Variants in CDON observed in about 807,000 individuals in gnomAD.
CDON encodes the protein cell adhesion molecule-related/down-regulated by oncogenes.
CDON carries 73 observed loss-of-function variants against 120.9 expected under a neutral mutation model. That is an observed-to-expected ratio of 0.60 (90% CI 0.50 to 0.73). The LOEUF is 0.73. Among genes scored for constraint, CDON ranks in the 30% least tolerant of loss-of-function variants. The pLI, the probability that CDON is intolerant of heterozygous loss-of-function variation, is 0.00. For synonymous variants in CDON, 566 were observed against 573.5 expected, an observed-to-expected ratio of 0.99 and a Z score of 0.19; for missense variants, 1,470 against 1,587.3, an observed-to-expected ratio of 0.93 and a Z score of 1.26.
chr11:125,997,185 G>A, intron 12 of CDON, 22 bp downstream of exon 12: 1 of 1,544,860 alleles, frequency 6.5e-7, no homozygotes, highest in South Asian at 1.1e-5. Context: ...GATGGTAAAA[G>A]GAAACGTTTG....
intron 7 of CDON, 42 bp from the exon 8 acceptor site, chr11:126,010,736 G>GTAGTA (rs1177994925): frequency 1.3e-6 from 2 of 1,517,984 alleles, no homozygotes; most frequent in Non-Finnish European, 1.8e-6. Flanking sequence ...GAAGAACATT[G>GTAGTA]TAGTACCTAC....
At chr11:126,023,758 C>T (rs1446125852) in intron 1 of CDON, among the ~76,000 whole-genome samples, 4 of 152,220 alleles carry the variant, frequency 2.6e-5, no homozygotes, top group Non-Finnish European at 5.9e-5. Flanking sequence ...ATATCTCCTA[C>T]TACACAGAAC....
Position 125,956,903 on chromosome 11 carries a change from G to A in CDON, c.*4039C>T. ...TCTCAGGACTGGGGCTAGGGTTTAA[G>A]GAAGGCTTATTTAAATATGGGAAAT... On this transcript the variant is annotated 3_prime_UTR_variant, in exon 20 of 20. Coordinates refer to ENST00000531738, the MANE Select transcript of CDON (RefSeq NM_001378964.1). 1.0e-6 allele frequency: 1 copy of A among 963,420 alleles called. No homozygotes were observed. Among genetic ancestry groups the A allele is most frequent in the Non-Finnish European group, 1.2e-6 (1 of 809,938 alleles). 59.7% of individuals were successfully genotyped at this position (963,420 alleles called of 1,614,324 possible). A position where few individuals can be genotyped will look rare whatever the true frequency, so the allele number is the denominator to read the frequency against.
chr11:126,011,044 T>C (rs1361263769), intron 7 of CDON: 1 of 372,534 alleles, frequency 2.7e-6, no homozygotes, highest in Non-Finnish European at 5.2e-6. Flanking sequence ...ACAGGAAAAA[T>C]GTGTAAATAA....
At chr11:125,985,404 T>C (rs1325462202) in intron 15 of CDON, among the ~76,000 whole-genome samples, 4 of 152,192 alleles carry the variant, frequency 2.6e-5, no homozygotes, top group Non-Finnish European at 2.9e-5. Flanking sequence ...CTCAAACTCC[T>C]GATGACCTCA....
chr11:126,054,824 A>AGG (rs1948646207), intron 1 of CDON, among the ~76,000 whole-genome samples: 1 of 152,184 alleles, frequency 6.6e-6, no homozygotes, highest in Admixed American at 6.5e-5. Context: ...AATGGTACAT[A>AGG]GGGGAAAATC....
intron 8 of CDON, among the ~76,000 whole-genome samples, chr11:126,009,033 C>A (rs1040373271): frequency 6.6e-6 from 1 of 152,160 alleles, no homozygotes; most frequent in African/African-American, 2.4e-5. Context: ...GAGTGGGGCA[C>A]CTTCACTATA....
intron 1 of CDON, among the ~76,000 whole-genome samples, chr11:126,042,117 T>C: frequency 6.6e-6 from 1 of 152,156 alleles, no homozygotes; most frequent in Non-Finnish European, 1.5e-5. Flanking sequence ...CTCCCGACCT[T>C]AGGTGATCTG....
rs1948041301 is a variant in CDON at position 126,034,561 on chromosome 11, T to C, written c.-61-11024A>G. 6.6e-6 allele frequency among the ~76,000 whole-genome samples: 1 copy of C among 152,168 alleles called. No individual in the cohort carries two copies. The highest frequency in any genetic ancestry group is 2.4e-5 in the African/African-American group (1 of 41,440). On this transcript the variant is annotated intron_variant, in intron 1 of 19. Transcript: ENST00000531738. This position sits in a 1 kb window ranked among gnomAD's most constrained non-coding sequence, Gnocchi z 4.5. ...TTTAAAAAAAAAAGTCAAGTGTTCC[T>C]GTTCCACTCTCTTTCTAAGAGACTA... is the stretch of plus-strand genomic sequence containing the variant.
At chr11:126,013,205 A>G (rs1484648139) in intron 7 of CDON, among the ~76,000 whole-genome samples, 1 of 152,058 alleles carries the variant, frequency 6.6e-6, no homozygotes, top group African/African-American at 2.4e-5. Flanking sequence ...GAAATGACGT[A>G]TTTTCTTTTT....
intron 18 of CDON, among the ~76,000 whole-genome samples, chr11:125,964,003 T>TA (rs1250588591): frequency 1.3e-5 from 2 of 152,168 alleles, no homozygotes. Flanking sequence ...ACCCTGAACT[T>TA]ATAGAAAAAT....
At chr11:125,972,631 C>G (rs1946034624) in intron 18 of CDON, among the ~76,000 whole-genome samples, 1 of 152,100 alleles carries the variant, frequency 6.6e-6, no homozygotes, top group Non-Finnish European at 1.5e-5. Context: ...AACGTTTTCC[C>G]TCCAGATGGT....
intron 18 of CDON, among the ~76,000 whole-genome samples, chr11:125,964,238 G>A (rs948941319): frequency 9.2e-5 from 14 of 152,196 alleles, no homozygotes; most frequent in African/African-American, 3.4e-4. Flanking sequence ...AACTACTACT[G>A]CTGAGAATTT....
At chr11:126,021,583 ATT>A in intron 2 of CDON, 63 bp from the exon 3 acceptor site, 2 of 1,366,100 alleles carry the variant, frequency 1.5e-6, no homozygotes, top group Non-Finnish European at 2.1e-6. Flanking sequence ...GAGAAAGAAG[ATT>A]ACATTAAACA....
chr11:126,032,225 G>A (rs1214718386), intron 1 of CDON, among the ~76,000 whole-genome samples: 1 of 152,106 alleles, frequency 6.6e-6, no homozygotes, highest in Non-Finnish European at 1.5e-5. Context: ...ACCTAGATTT[G>A]TACTTGGAGA....
At chr11:126,003,192 C>A (rs1432654955) in intron 10 of CDON, among the ~76,000 whole-genome samples, 1 of 152,182 alleles carries the variant, frequency 6.6e-6, no homozygotes, top group Non-Finnish European at 1.5e-5. Flanking sequence ...CTCTACAAGG[C>A]CACAAGTTTT....
intron 1 of CDON, among the ~76,000 whole-genome samples, chr11:126,055,262 G>A (rs1445117261): frequency 1.3e-5 from 2 of 152,142 alleles, no homozygotes; most frequent in Non-Finnish European, 2.9e-5. Context: ...AGTTTGAGGA[G>A]GAGGATGGAG....
Position 126,050,441 on chromosome 11 carries a change from T to C in CDON, c.-62+12138A>G, listed in dbSNP as rs142423756. Among the ~76,000 whole-genome samples the C allele has an allele frequency of 8.7e-3, 1,316 of 151,796 alleles. 22 individuals are homozygous for C. The highest frequency in any genetic ancestry group is 0.03 in the African/African-American group (1,259 of 41,322). On this transcript the variant is annotated intron_variant, in intron 1 of 19. Coordinates refer to ENST00000531738, the MANE Select transcript of CDON (RefSeq NM_001378964.1). ...TCAATGCTCGATCATTTAGTCTTCA[T>C]GATTTCCATTCTAACAAAGATTTTA...
At chr11:126,014,059 T>A (rs1947386376) in intron 7 of CDON, among the ~76,000 whole-genome samples, 1 of 152,126 alleles carries the variant, frequency 6.6e-6, no homozygotes. Context: ...TCCAAATACA[T>A]GCCAATTTTT....
Sources: gnomAD v4.1 joint callset for allele counts (sites outside exome capture counted in the v4.1 genomes callset) on GRCh38, gnomAD v4.1.1 for gene constraint, Gnocchi (gnomAD v3.1) non-coding constraint, MANE v1.5 for transcripts, NCBI Gene and HGNC (gene_info 2026-07-23, HGNC 2026-07-21) for gene names.